The following PRP4K variants were observed in gnomAD, a reference collection of about 807,000 sequenced individuals.
The protein encoded by PRP4K is serine/threonine-protein kinase PRP4 homolog.
At chr6:4,043,204 C>T in the PRP4K span, among the ~76,000 whole-genome samples, 2 of 152,110 alleles carry the variant, frequency 1.3e-5, no homozygotes, top group South Asian at 2.1e-4. Flanking sequence ...TAGTGTGCCA[C>T]GTTGGAGTGA....
At chr6:4,045,875 T>C in the PRP4K span, among the ~76,000 whole-genome samples, 2 of 152,232 alleles carry the variant, frequency 1.3e-5, no homozygotes, top group East Asian at 3.9e-4. Context: ...CTTTTGTTTT[T>C]TAGGAATCAT....
chr6:4,052,143 C>T, the PRP4K span: 22 of 1,498,784 alleles, frequency 1.5e-5, no homozygotes, highest in Admixed American at 3.3e-4. Context: ...ACTTCTTCAT[C>T]TTTACGATCT....
the PRP4K span, among the ~76,000 whole-genome samples, chr6:4,025,109 T>C: frequency 6.6e-6 from 1 of 152,220 alleles, no homozygotes. Context: ...TCTCAATAAA[T>C]ATTTTGTGAT....
chr6:4,048,496 GAATGGTATAACA>G, the PRP4K span, among the ~76,000 whole-genome samples: 6,853 of 152,182 alleles, frequency 0.045, 222 homozygotes, highest in Non-Finnish European at 0.065. Flanking sequence ...TGTATGGGAA[GAATGGTATAACA>G]AATGGTATAA....
the PRP4K span, among the ~76,000 whole-genome samples, chr6:4,026,282 G>C: frequency 6.6e-6 from 1 of 150,502 alleles, no homozygotes; most frequent in Admixed American, 6.6e-5. Flanking sequence ...AGGATTACAG[G>C]TGTGAGCCAC....
chr6:4,056,939 C>A, the PRP4K span: 1 of 1,269,438 alleles, frequency 7.9e-7, no homozygotes, highest in Non-Finnish European at 1.1e-6. Flanking sequence ...GGTTATAGTC[C>A]AAGCTAAGGT....
chr6:4,057,520 A>C, the PRP4K span, among the ~76,000 whole-genome samples: 1 of 152,228 alleles, frequency 6.6e-6, no homozygotes, highest in Non-Finnish European at 1.5e-5. Context: ...GAACATGCTT[A>C]GTGGTCAGAG....
At chr6:4,062,554 C>T in the PRP4K span, 1 of 152,594 alleles carries the variant, frequency 6.6e-6, no homozygotes, top group South Asian at 2.1e-4. This position sits in a 1 kb window ranked among gnomAD's most constrained non-coding sequence, Gnocchi z 4.2. Context: ...TTTATTCACC[C>T]AGGCACCTAA....
chr6:4,044,454 A>G, the PRP4K span, among the ~76,000 whole-genome samples: 2 of 152,136 alleles, frequency 1.3e-5, no homozygotes, highest in South Asian at 4.1e-4. Context: ...TTCTTTATTT[A>G]CCAATTTTTA....
chr6:4,051,203 C>T, the PRP4K span, among the ~76,000 whole-genome samples: 2 of 152,102 alleles, frequency 1.3e-5, no homozygotes, highest in Non-Finnish European at 2.9e-5. Context: ...AGCCACTGCA[C>T]CTGGCCCATT....
At chr6:4,027,663 CTG>C in the PRP4K span, among the ~76,000 whole-genome samples, 1 of 148,138 alleles carries the variant, frequency 6.8e-6, no homozygotes, top group African/African-American at 2.5e-5. Context: ...CATCTATTCA[CTG>C]TGTAAACTTC....
At chr6:4,030,135 G>C in the PRP4K span, among the ~76,000 whole-genome samples, 1 of 152,024 alleles carries the variant, frequency 6.6e-6, no homozygotes, top group African/African-American at 2.4e-5. Context: ...TAGAGAGGGG[G>C]TTTCCCCATG....
At chr6:4,054,740 G>A in the PRP4K span, among the ~76,000 whole-genome samples, 170 of 152,256 alleles carry the variant, frequency 1.1e-3, 2 homozygotes, top group African/African-American at 3.9e-3. Flanking sequence ...TCCTAACCTC[G>A]TGATCTGCCC....
At chr6:4,053,082 A>G in the PRP4K span, among the ~76,000 whole-genome samples, 10 of 152,300 alleles carry the variant, frequency 6.6e-5, no homozygotes, top group East Asian at 1.3e-3. Flanking sequence ...GAAATGTACA[A>G]TTGTCCCTTT....
At chr6:4,037,333 C>T in the PRP4K span, 1 of 1,395,768 alleles carries the variant, frequency 7.2e-7, no homozygotes, top group Middle Eastern at 2.0e-4. Flanking sequence ...ATGTTCTTTG[C>T]ATATAGAAAA....
chr6:4,053,972 C>A, the PRP4K span, among the ~76,000 whole-genome samples: 3 of 151,538 alleles, frequency 2.0e-5, no homozygotes, highest in Non-Finnish European at 4.4e-5. Flanking sequence ...TGCAGTGGTG[C>A]CATAATGGCT....
At chr6:4,047,907 C>G in the PRP4K span, among the ~76,000 whole-genome samples, 1 of 80,972 alleles carries the variant, frequency 1.2e-5, no homozygotes, top group Non-Finnish European at 2.5e-5. Flanking sequence ...TATGTACACA[C>G]ACACACACAC....
the PRP4K span, among the ~76,000 whole-genome samples, chr6:4,029,012 C>CTTTTTTTTTTTTTT: frequency 6.5e-3 from 861 of 132,218 alleles, 65 homozygotes; most frequent in Non-Finnish European, 0.01. Context: ...TACTTGGAAT[C>CTTTTTTTTTTTTTT]TTTTTTTTTT....
the PRP4K span, chr6:4,044,235 T>C: frequency 1.3e-5 from 7 of 522,870 alleles, no homozygotes; most frequent in Non-Finnish European, 2.4e-5. Context: ...AATAGTATAC[T>C]GAACTCTCAC....
Sources: allele counts gnomAD v4.1 joint callset (sites outside exome capture counted in the v4.1 genomes callset), GRCh38; gene constraint gnomAD v4.1.1; non-coding constraint Gnocchi (gnomAD v3.1); transcripts MANE v1.5; gene names NCBI Gene and HGNC (gene_info 2026-07-23, HGNC 2026-07-21).